The following ZHX3 variants were observed in gnomAD, a reference collection of about 807,000 sequenced individuals.
ZHX3 encodes zinc fingers and homeoboxes protein 3.
In ZHX3, 20 loss-of-function variants were observed where a neutral mutation model predicts 64.5. The observed-to-expected ratio is 0.31, with a 90% CI of 0.22 to 0.45. The LOEUF (loss-of-function observed/expected upper bound fraction) is 0.45, where lower values mean the gene tolerates loss of function less well. Ranked by LOEUF, ZHX3 falls within the 20% of genes least tolerant of loss-of-function variation. The pLI, the probability that ZHX3 is intolerant of heterozygous loss-of-function variation, is 1.00. For synonymous variants in ZHX3, 423 were observed against 461.6 expected (o/e 0.92, Z 1.07); for missense variants, 1,041 against 1,195.8 (o/e 0.87, Z 1.91).
At chr20:41,255,454 G>A (rs2042199601) in intron 2 of ZHX3, among the ~76,000 whole-genome samples, 1 of 152,056 alleles carries the variant, frequency 6.6e-6, no homozygotes, top group African/African-American at 2.4e-5. Context: ...CCCGGCAAAG[G>A]ATCAACTATT....
chr20:41,216,391 T>G (rs2039535362), intron 2 of ZHX3, among the ~76,000 whole-genome samples: 1 of 152,188 alleles, frequency 6.6e-6, no homozygotes, highest in Non-Finnish European at 1.5e-5. Context: ...TTGTTAACAG[T>G]GCAGTATATA....
chr20:41,316,621 A>ATG (rs1312570032), intron 1 of ZHX3, among the ~76,000 whole-genome samples: 1 of 152,226 alleles, frequency 6.6e-6, no homozygotes, highest in Non-Finnish European at 1.5e-5. Context: ...AGATAAAAAC[A>ATG]GAAAGGAGCA....
rs781045185 is a variant in ZHX3 at position 41,252,446 on chromosome 20, C to T, written c.-151+16544G>A. Among the ~76,000 whole-genome samples, 8 of 152,132 alleles carry T rather than the reference C, an allele frequency of 5.3e-5. No individual in the cohort carries two copies. The South Asian group carries it at 8.3e-4, about 16-fold the overall frequency. Reference sequence around the variant, plus strand: ...TCCATCACCTGAGACCATGTGAGTACGTCTTAGTCCCCTATGGCCCAACAG... The same window carrying T: ...TCCATCACCTGAGACCATGTGAGTATGTCTTAGTCCCCTATGGCCCAACAG... On this transcript the variant is annotated intron_variant, in intron 2 of 3. Transcript: ENST00000683867.
rs57063009 is a variant in ZHX3, at chr20:41,183,183, G to GTATATATA, written c.*2000_*2007dup. 6.6e-5 allele frequency: 10 copies of GTATATATA among 150,814 alleles called. No homozygotes were observed. The highest frequency in any genetic ancestry group is 2.4e-4 in the African/African-American group (10 of 41,070). 9.3% of individuals were successfully genotyped at this position (150,814 alleles called of 1,614,324 possible). ...GTATTTATACTGTATATGTGTGTGT[G>GTATATATA]TATATATATATATATAAATTAATCT... On this transcript the variant is annotated 3_prime_UTR_variant, in exon 4 of 4. Transcript: ENST00000683867. This position sits in a 1 kb window ranked among gnomAD's most constrained non-coding sequence, Gnocchi z 5.3.
intron 2 of ZHX3, among the ~76,000 whole-genome samples, chr20:41,214,641 G>T (rs888175922): frequency 1.3e-5 from 2 of 152,196 alleles, no homozygotes; most frequent in African/African-American, 4.8e-5. Flanking sequence ...GCTGTTTTTA[G>T]CAACATTACC....
At chr20:41,303,690 C>A (rs1197158811) in intron 1 of ZHX3, among the ~76,000 whole-genome samples, 1 of 152,204 alleles carries the variant, frequency 6.6e-6, no homozygotes. Flanking sequence ...CCTCCATCCA[C>A]AGAAGAGACC....
rs928701592 is a variant in ZHX3, at chr20:41,241,989, A to ATG, written c.-151+26999_-151+27000dup. Among the ~76,000 whole-genome samples the ATG allele has an allele frequency of 4.0e-5, 6 of 151,794 alleles. No homozygotes were observed. In the East Asian group the frequency reaches 5.8e-4, roughly 15 times the overall value. On this transcript the variant is annotated intron_variant, in intron 2 of 3. Coordinates refer to ENST00000683867, the MANE Select transcript of ZHX3 (RefSeq NM_001384317.1). ...TTATCAGATTATCCTCTGAGTGTGC[A>ATG]TGTGTGTGTGTGTACATGTGTGCAC...
chr20:41,202,550 T>C lies in ZHX3; in HGVS notation c.2367A>G (p.Pro789=). 1 of 1,614,108 alleles carries C rather than the reference T, an allele frequency of 6.2e-7. No individual in the cohort carries two copies. ...LRQLFVQTQW[P]SNQDYDSIMA... ...TGATGGAGTCATAGTCCTGGTTGCT[T>C]GGCCACTGTGTCTGGACAAAGAGCT... Residue 789 remains proline, a synonymous_variant, in exon 3 of 4, where the codon CCA becomes CCG. Transcript: ENST00000683867. The surrounding 1 kb of genome is among the most constrained non-coding windows in gnomAD (Gnocchi z 7.0).
At chr20:41,254,714 A>G (rs547101823) in intron 2 of ZHX3, 2 of 152,324 alleles carry the variant, frequency 1.3e-5, no homozygotes, top group Middle Eastern at 3.4e-3. Context: ...ATTTTGCTAT[A>G]TATGCATATA....
At chr20:41,295,830 G>A (rs374550124) in intron 1 of ZHX3, among the ~76,000 whole-genome samples, 8 of 149,058 alleles carry the variant, frequency 5.4e-5, no homozygotes, top group South Asian at 2.1e-4. Context: ...CAGCCTGGGC[G>A]ACACAACGAG....
intron 1 of ZHX3, among the ~76,000 whole-genome samples, chr20:41,274,809 G>A (rs2043305448): frequency 6.6e-6 from 1 of 152,164 alleles, no homozygotes; most frequent in African/African-American, 2.4e-5. Flanking sequence ...CAATGTATAA[G>A]CTACATGAAA....
At chr20:41,270,239 G>A (rs1029388097) in intron 1 of ZHX3, among the ~76,000 whole-genome samples, 1 of 151,012 alleles carries the variant, frequency 6.6e-6, no homozygotes, top group African/African-American at 2.4e-5. Flanking sequence ...AAATGGCCGG[G>A]CATGGTGGTG....
chr20:41,220,648 T>C (rs1020378110), intron 2 of ZHX3, among the ~76,000 whole-genome samples: 2 of 152,104 alleles, frequency 1.3e-5, no homozygotes, highest in African/African-American at 4.8e-5. Context: ...ATATTTGACT[T>C]TCTATATGAT....
At chr20:41,308,932 A>T (rs2045053742) in intron 1 of ZHX3, among the ~76,000 whole-genome samples, 1 of 152,172 alleles carries the variant, frequency 6.6e-6, no homozygotes, top group Non-Finnish European at 1.5e-5. Context: ...TATGACGGAA[A>T]GCTTTCTAAA....
In ZHX3 at chr20:41,279,171, G is replaced by A. The variant is rs750218602; in HGVS notation, c.-244-10088C>T. ...GCCAGAATTTGAATCCTGGGTCAAC[G>A]AGTATGAAAGTTTTAAAGGCCCATA... is the stretch of plus-strand genomic sequence containing the variant. On this transcript the variant is annotated intron_variant, in intron 1 of 3. Transcript: ENST00000683867. 7.9e-5 allele frequency among the ~76,000 whole-genome samples: 12 copies of A among 152,254 alleles called. No homozygotes were observed. In the South Asian group the frequency reaches 1.0e-3, roughly 13 times the overall value.
At chr20:41,223,353 A>G (rs2040072328) in intron 2 of ZHX3, among the ~76,000 whole-genome samples, 1 of 152,238 alleles carries the variant, frequency 6.6e-6, no homozygotes, top group African/African-American at 2.4e-5. Context: ...TAAGTCATAC[A>G]TGTATAAGGT....
In ZHX3 at chr20:41,196,506, A is replaced by ATAAATATTATATAT. The variant is rs2037659906; in HGVS notation, c.2860+5550_2860+5551insATATATAATATTTA. Reference sequence around the variant, plus strand: ...ATTATAAATATATATTATATATTATAAATATATATTATATATTATATATTA... The same window carrying ATAAATATTATATAT: ...ATTATAAATATATATTATATATTATATAAATATTATATATAATATATATTATATATTATATATTA... On this transcript the variant is annotated intron_variant, in intron 3 of 3. Transcript: ENST00000683867. 1.1e-4 allele frequency: 5 copies of ATAAATATTATATAT among 44,250 alleles called. 1 individual carries two copies. Among genetic ancestry groups the ATAAATATTATATAT allele is most frequent in the African/African-American group, 4.0e-4 (4 of 10,088 alleles). 2.7% of individuals were successfully genotyped at this position (44,250 alleles called of 1,614,324 possible).
At chr20:41,301,415 C>A (rs1021247673) in intron 1 of ZHX3, among the ~76,000 whole-genome samples, 8 of 152,172 alleles carry the variant, frequency 5.3e-5, no homozygotes, top group African/African-American at 1.9e-4. Flanking sequence ...CCTGTAAGTT[C>A]TTGAGTGATA....
In ZHX3 at chr20:41,232,872, A is replaced by T. The variant is rs1225359383; in HGVS notation, c.-150-27806T>A. On this transcript the variant is annotated intron_variant, in intron 2 of 3. Transcript: ENST00000683867. The surrounding 1 kb of genome is among the most constrained non-coding windows in gnomAD (Gnocchi z 5.0). ...AGTGCTGGGATTACAGGCATGAGCC[A>T]CCACGCCCGGCTGGAAAATTCTTGA... Among the ~76,000 whole-genome samples the T allele has an allele frequency of 6.6e-6, 1 of 152,224 alleles. No homozygotes were observed. Among genetic ancestry groups the T allele is most frequent in the African/African-American group, 2.4e-5 (1 of 41,462 alleles).
Sources: allele counts gnomAD v4.1 joint callset (sites outside exome capture counted in the v4.1 genomes callset), GRCh38; gene constraint gnomAD v4.1.1; non-coding constraint Gnocchi (gnomAD v3.1); transcripts MANE v1.5; gene names NCBI Gene and HGNC (gene_info 2026-07-23, HGNC 2026-07-21).